The following PMFBP1 variants were observed in gnomAD, a reference collection of about 807,000 sequenced individuals.
PMFBP1 encodes the protein polyamine modulated factor 1 binding protein 1.
PMFBP1 carries 131 observed loss-of-function variants against 137.8 expected under a neutral mutation model. The observed-to-expected ratio is 0.95, with a 90% CI of 0.82 to 1.10. PMFBP1 has a LOEUF of 1.10. Ranked by LOEUF, PMFBP1 falls within the 50% of genes least tolerant of loss-of-function variation. The pLI is 0.00. For synonymous variants in PMFBP1, 490 were observed against 450.4 expected (o/e 1.09, Z -1.11); for missense variants, 1,199 against 1,175.4 (o/e 1.02, Z -0.29).
the PMFBP1 span, among the ~76,000 whole-genome samples, chr16:72,231,177 T>G: frequency 2.6e-5 from 4 of 152,152 alleles, no homozygotes; most frequent in African/African-American, 4.8e-5. Context: ...TCCAGTGTCT[T>G]GAGGGCCACA....
the PMFBP1 span, among the ~76,000 whole-genome samples, chr16:72,221,572 T>G: frequency 6.6e-6 from 1 of 152,152 alleles, no homozygotes; most frequent in Non-Finnish European, 1.5e-5. Flanking sequence ...GAGGAGCTTG[T>G]CTTTGAAAAG....
chr16:72,207,219 T>A, the PMFBP1 span, among the ~76,000 whole-genome samples: 1 of 152,058 alleles, frequency 6.6e-6, no homozygotes, highest in Non-Finnish European at 1.5e-5. Flanking sequence ...ATGAGAAGGC[T>A]GCTGCACATG....
intron 5 of PMFBP1, among the ~76,000 whole-genome samples, chr16:72,150,017 T>C (rs969958497): frequency 6.6e-6 from 1 of 152,188 alleles, no homozygotes; most frequent in African/African-American, 2.4e-5. Flanking sequence ...CTAGAGAGCC[T>C]ATAATAATCG....
intron 9 of PMFBP1, among the ~76,000 whole-genome samples, chr16:72,135,359 G>GTTTTTT (rs869071984): frequency 2.3e-5 from 3 of 131,504 alleles, no homozygotes; most frequent in Admixed American, 1.6e-4. Flanking sequence ...GTGTGTGTGT[G>GTTTTTT]TTTTTTTTTT....
the PMFBP1 span, among the ~76,000 whole-genome samples, chr16:72,248,288 A>G: frequency 9.9e-5 from 15 of 152,208 alleles, no homozygotes; most frequent in Non-Finnish European, 4.4e-5. Flanking sequence ...TTAAAACTTT[A>G]AATCAGTGTT....
the PMFBP1 span, among the ~76,000 whole-genome samples, chr16:72,213,830 T>A: frequency 1.3e-5 from 2 of 152,126 alleles, no homozygotes; most frequent in Non-Finnish European, 2.9e-5. Flanking sequence ...ATTTTACACA[T>A]AAACAGCAAA....
chr16:72,225,214 C>G, the PMFBP1 span: 1 of 152,260 alleles, frequency 6.6e-6, no homozygotes, highest in East Asian at 1.9e-4. Flanking sequence ...AAAGAAGAGC[C>G]TATCAGAGAA....
the PMFBP1 span, among the ~76,000 whole-genome samples, chr16:72,243,487 A>G: frequency 7.9e-5 from 12 of 152,290 alleles, no homozygotes; most frequent in East Asian, 1.7e-3. Flanking sequence ...CATTCCACCA[A>G]TTGTGCAGTG....
At chr16:72,189,937 G>T in the PMFBP1 span, among the ~76,000 whole-genome samples, 1 of 152,078 alleles carries the variant, frequency 6.6e-6, no homozygotes, top group African/African-American at 2.4e-5. Flanking sequence ...TCTGCCTCTG[G>T]GTGAGTGTCA....
chr16:72,180,332 GCCACTTGTTCTGCCT>G (rs1374918397), upstream of PMFBP1, among the ~76,000 whole-genome samples: 1 of 152,150 alleles, frequency 6.6e-6, no homozygotes, highest in Non-Finnish European at 1.5e-5. Context: ...TGAGCCCAGA[GCCACTTGTTCTGCCT>G]CCACTGGTGT....
the PMFBP1 span, among the ~76,000 whole-genome samples, chr16:72,185,620 T>C: frequency 2.0e-5 from 3 of 152,126 alleles, no homozygotes; most frequent in African/African-American, 4.8e-5. Flanking sequence ...CCTCACACTA[T>C]ATTAGAATTG....
intron 14 of PMFBP1, among the ~76,000 whole-genome samples, chr16:72,126,441 T>C (rs887884747): frequency 1.3e-5 from 2 of 152,208 alleles, no homozygotes; most frequent in African/African-American, 4.8e-5. Flanking sequence ...CTGCAGCCTT[T>C]GATAAAGACC....
rs200488322 is a variant in PMFBP1, at chr16:72,120,070, C to T, written c.2788G>A (p.Val930Ile). The change falls in exon 20 of 21, where the codon GTC becomes ATC. Residue 930 changes from valine to isoleucine, a missense_variant. Transcript: ENST00000237353. ...TTCTTGTTTTCCTGCTGCAAGTGGA[C>T]CATTACACTGTGGAGGTGGCTGTGG... is the stretch of plus-strand genomic sequence containing the variant. ...GEKDHLHSVM[V>I]HLQQENKKLK... The T allele has an allele frequency of 3.1e-6, 5 of 1,614,162 alleles. No individual in the cohort carries two copies. The East Asian group carries it at 1.1e-4, about 36-fold the overall frequency.
chr16:72,230,287 G>C, the PMFBP1 span, among the ~76,000 whole-genome samples: 1 of 152,060 alleles, frequency 6.6e-6, no homozygotes, highest in Non-Finnish European at 1.5e-5. Context: ...ATATAACCAG[G>C]TTATCCCATT....
Position 72,125,383 on chromosome 16 carries a change from G to A in PMFBP1, c.2276C>T (p.Thr759Ile), listed in dbSNP as rs1187267096. ...TGTCAAGCTTTGCTGCAGGCTCTTT[G>A]TCTCTGAGGTCACGTGATTGAGCTT... The part of the protein sequence containing the change: ...LEKLNHVTSE[T>I]KSLQQSLTQT... The change falls in exon 16 of 21, where the codon ACA becomes ATA. Residue 759 changes from threonine to isoleucine, a missense_variant. Thr to Ile is a moderately conservative substitution (Grantham distance 89). Coordinates refer to ENST00000237353, the MANE Select transcript of PMFBP1 (RefSeq NM_031293.3). The A allele has an allele frequency of 6.2e-7, 1 of 1,609,750 alleles. No homozygotes were observed. Among genetic ancestry groups the A allele is most frequent in the Non-Finnish European group, 8.5e-7 (1 of 1,179,012 alleles).
At chr16:72,232,008 A>C in the PMFBP1 span, among the ~76,000 whole-genome samples, 1 of 145,882 alleles carries the variant, frequency 6.9e-6, no homozygotes. Flanking sequence ...TGGTCACGCC[A>C]AGTTGACACC....
intron 4 of PMFBP1, among the ~76,000 whole-genome samples, chr16:72,153,590 T>C (rs1227993288): frequency 6.6e-6 from 1 of 151,812 alleles, no homozygotes; most frequent in African/African-American, 2.4e-5. Flanking sequence ...TGGAATTTAC[T>C]TGGGATTCTA....
In PMFBP1 at chr16:72,129,094, C is replaced by T. The variant is rs776325314; in HGVS notation, c.1922G>A (p.Arg641Gln). Residue 641 changes from arginine (R) to glutamine (Q), a missense_variant, in exon 13 of 21, where the codon CGG becomes CAG. Coordinates refer to ENST00000237353, the MANE Select transcript of PMFBP1 (RefSeq NM_031293.3). ...KLMEGELEAL[R>Q]QEFKKKDKTL... Reference sequence around the variant, plus strand: ...CTTGTCTTTCTTTTTAAATTCCTGCCGCAAAGCTTCAAGTTCTCCCTCCAT... The same window carrying T: ...CTTGTCTTTCTTTTTAAATTCCTGCTGCAAAGCTTCAAGTTCTCCCTCCAT... The T allele has an allele frequency of 2.2e-5, 36 of 1,613,922 alleles. No individual in the cohort carries two copies. The highest frequency in any genetic ancestry group is 2.8e-5 in the Non-Finnish European group (33 of 1,179,978).
intron 3 of PMFBP1, among the ~76,000 whole-genome samples, chr16:72,157,385 T>G (rs2042998955): frequency 6.6e-6 from 1 of 151,948 alleles, no homozygotes; most frequent in African/African-American, 2.4e-5. Flanking sequence ...AATGTTTGCA[T>G]GGAAGGCCAA....
Sources: allele counts gnomAD v4.1 joint callset (sites outside exome capture counted in the v4.1 genomes callset), GRCh38; gene constraint gnomAD v4.1.1; transcripts MANE v1.5; gene names NCBI Gene and HGNC (gene_info 2026-07-23, HGNC 2026-07-21).